HOOK3: variants seen among roughly 807,000 people sequenced by gnomAD.
HOOK3 encodes hook microtubule tethering protein 3.
HOOK3 carries 24 observed loss-of-function variants against 116.3 expected under a neutral mutation model. The observed-to-expected ratio is 0.21, with a 90% CI of 0.15 to 0.29. HOOK3 has a LOEUF of 0.29. HOOK3 is among the 10% of genes least tolerant of loss of function. HOOK3 has a pLI of 1.00. For synonymous variants in HOOK3, 275 were observed against 283.0 expected, an observed-to-expected ratio of 0.97 and a Z score of 0.28; for missense variants, 632 against 830.2, an observed-to-expected ratio of 0.76 and a Z score of 2.93.
chr8:42,956,969 A>C (rs1317506896), intron 6 of HOOK3, 125 bp from the exon 7 acceptor site: 2 of 490,536 alleles, frequency 4.1e-6, no homozygotes, highest in East Asian at 3.4e-5. Flanking sequence ...AGTGTTTTAC[A>C]TGCATGTTTT....
At chr8:42,973,452 A>G in intron 12 of HOOK3, 53 bp downstream of exon 12, 1 of 1,093,218 alleles carries the variant, frequency 9.1e-7, no homozygotes, top group African/African-American at 1.6e-5. Flanking sequence ...AATTAAGGCG[A>G]TTATGTTTAA....
chr8:43,029,972 T>C lies in HOOK3; in HGVS notation c.*11474T>C, dbSNP rs1402579549. The stretch of plus-strand genomic sequence containing the variant: ...AAGGATATTGCTAGGTATATTCTTA[T>C]TTCTGATTGAGTATTGAATTTACAT... On this transcript the variant is annotated 3_prime_UTR_variant, in exon 22 of 22. Transcript: ENST00000307602. 4 of 214,094 alleles carry C rather than the reference T, an allele frequency of 1.9e-5. No homozygotes were observed. Among genetic ancestry groups the C allele is most frequent in the Non-Finnish European group, 3.8e-5 (4 of 106,128 alleles). The allele number at this position is 214,094 out of a possible 1,614,324, so 13.3% of individuals were successfully genotyped here.
intron 18 of HOOK3, among the ~76,000 whole-genome samples, 153 bp downstream of exon 18, chr8:43,008,082 G>A (rs1395831769): frequency 2.6e-5 from 4 of 151,792 alleles, no homozygotes; most frequent in African/African-American, 4.8e-5. Context: ...GCAGTGGTGC[G>A]ATTTTGGCTC....
chr8:42,958,499 A>G (rs1169465439), intron 7 of HOOK3, among the ~76,000 whole-genome samples: 1 of 152,008 alleles, frequency 6.6e-6, no homozygotes, highest in Non-Finnish European at 1.5e-5. Flanking sequence ...CAAAATTAAC[A>G]TAAGGTTTTT....
chr8:42,930,060 T>C, intron 3 of HOOK3, 62 bp from the exon 4 acceptor site: 1 of 1,466,486 alleles, frequency 6.8e-7, no homozygotes, highest in Non-Finnish European at 9.2e-7. Context: ...AAATTTTTTA[T>C]GTTAAATTAT....
Position 42,982,797 on chromosome 8 carries a change from C to T in HOOK3, c.1391+101C>T, listed in dbSNP as rs557528965. 325 of 778,228 alleles carry T rather than the reference C, an allele frequency of 4.2e-4. 1 individual carries two copies. The African/African-American group carries it at 4.2e-3, about 10-fold the overall frequency. The allele number at this position is 778,228 out of a possible 1,614,324, so 48.2% of individuals were successfully genotyped here. ...AGATAATTTCCTTATTCTTTCTCACCGACACTTTCAACATGAACTCAGTGT... is the reference window on the plus strand; with the variant it reads ...AGATAATTTCCTTATTCTTTCTCACTGACACTTTCAACATGAACTCAGTGT... On this transcript the variant is annotated intron_variant, in intron 14 of 21. Transcript: ENST00000307602.
At chr8:43,005,221 T>TAA (rs1563312510) in intron 17 of HOOK3, among the ~76,000 whole-genome samples, 3 of 135,308 alleles carry the variant, frequency 2.2e-5, no homozygotes, top group African/African-American at 5.7e-5. Context: ...ATAATTTTTT[T>TAA]TTTTTTTTTT....
At chr8:42,903,578 C>T (rs2130316236) in intron 1 of HOOK3, among the ~76,000 whole-genome samples, 1 of 150,460 alleles carries the variant, frequency 6.6e-6, no homozygotes, top group Non-Finnish European at 1.5e-5. Flanking sequence ...CTCCTGACCT[C>T]GTGATCCACT....
At chr8:42,974,560 A>G (rs568794104) in intron 13 of HOOK3, among the ~76,000 whole-genome samples, 93 of 152,334 alleles carry the variant, frequency 6.1e-4, no homozygotes, top group South Asian at 1.4e-3. Flanking sequence ...TTCTAGTAGT[A>G]TAAATAAAAC....
chr8:42,909,809 C>G (rs1415811241), intron 2 of HOOK3, among the ~76,000 whole-genome samples: 1 of 152,138 alleles, frequency 6.6e-6, no homozygotes, highest in Non-Finnish European at 1.5e-5. Context: ...GTGGACAAAC[C>G]TGAAGGACAT....
chr8:43,004,770 C>T (rs1002127687), intron 17 of HOOK3, among the ~76,000 whole-genome samples: 31 of 151,588 alleles, frequency 2.0e-4, no homozygotes, highest in Admixed American at 1.4e-3. Context: ...TGAGTATTGC[C>T]GAAGATGTTG....
At chr8:43,011,499 T>C (rs1201997752) in intron 19 of HOOK3, among the ~76,000 whole-genome samples, 1 of 151,792 alleles carries the variant, frequency 6.6e-6, no homozygotes, top group African/African-American at 2.4e-5. Flanking sequence ...AGTGAAGCAA[T>C]TGGTGAGTCT....
chr8:42,941,206 C>T (rs940305062), intron 4 of HOOK3, among the ~76,000 whole-genome samples: 4 of 150,320 alleles, frequency 2.7e-5, no homozygotes, highest in African/African-American at 7.3e-5. Flanking sequence ...CTTGGCCTCC[C>T]GAAGTGCTGG....
At chr8:42,938,222 T>C (rs1290049650) in intron 4 of HOOK3, among the ~76,000 whole-genome samples, 7 of 151,600 alleles carry the variant, frequency 4.6e-5, no homozygotes, top group African/African-American at 1.5e-4. Flanking sequence ...CCCTGCTTTT[T>C]TTTTTTTTTT....
intron 1 of HOOK3, among the ~76,000 whole-genome samples, chr8:42,901,012 G>A (rs1334623221): frequency 3.3e-5 from 5 of 152,210 alleles, no homozygotes; most frequent in Non-Finnish European, 7.3e-5. Flanking sequence ...GACATTTTGC[G>A]CTGGACAGTT....
chr8:42,939,079 A>G (rs902637136), intron 4 of HOOK3, among the ~76,000 whole-genome samples: 3 of 152,238 alleles, frequency 2.0e-5, no homozygotes, highest in Admixed American at 1.3e-4. Context: ...AATTTTTCTT[A>G]GTACAGAACA....
At chr8:42,907,757 C>T (rs1252580289) in intron 2 of HOOK3, among the ~76,000 whole-genome samples, 1 of 144,176 alleles carries the variant, frequency 6.9e-6, no homozygotes, top group East Asian at 2.0e-4. Context: ...ATTTCAGGAA[C>T]CAGACAAGGA....
At chr8:42,999,787 A>T (rs997957666) in intron 16 of HOOK3, among the ~76,000 whole-genome samples, 1 of 152,194 alleles carries the variant, frequency 6.6e-6, no homozygotes, top group Non-Finnish European at 1.5e-5. Flanking sequence ...CAATATATAA[A>T]ACTTCAGAGA....
intron 4 of HOOK3, among the ~76,000 whole-genome samples, chr8:42,934,948 A>T (rs1807938427): frequency 6.6e-6 from 1 of 152,142 alleles, no homozygotes; most frequent in Non-Finnish European, 1.5e-5. Context: ...CTGGTTCTAG[A>T]TCCTTGAGGA....
Sources: allele counts gnomAD v4.1 joint callset (sites outside exome capture counted in the v4.1 genomes callset), GRCh38; gene constraint gnomAD v4.1.1; transcripts MANE v1.5; gene names NCBI Gene and HGNC (gene_info 2026-07-23, HGNC 2026-07-21).